Variants in HDAC4 observed in about 807,000 individuals in gnomAD.
HDAC4 encodes histone deacetylase 4, also known as histone deacetylase A.
A neutral mutation model predicts 135.1 loss-of-function variants in HDAC4; 16 were observed. That is an observed-to-expected ratio of 0.12 (90% CI 0.08 to 0.18). The LOEUF (loss-of-function observed/expected upper bound fraction) is 0.18. Ranked by LOEUF, HDAC4 falls within the 10% of genes least tolerant of loss-of-function variation. The pLI, the probability that HDAC4 is intolerant of heterozygous loss-of-function variation, is 1.00. For missense variants in HDAC4, 1,143 were observed against 1,511.8 expected (o/e 0.76, Z 4.05); for synonymous variants, 685 against 653.4 (o/e 1.05, Z -0.74).
intron 20 of HDAC4, among the ~76,000 whole-genome samples, chr2:239,082,799 C>T (rs1351845489): frequency 1.3e-5 from 2 of 152,246 alleles, no homozygotes; most frequent in African/African-American, 4.8e-5. Context: ...ATCACAAAAC[C>T]CACAGGTCAG....
chr2:239,398,123 G>C (rs1696688669), intron 1 of HDAC4, among the ~76,000 whole-genome samples: 1 of 152,198 alleles, frequency 6.6e-6, no homozygotes, highest in African/African-American at 2.4e-5. Context: ...CCCGGCCACA[G>C]CCTGTCGCCC....
intron 3 of HDAC4, among the ~76,000 whole-genome samples, chr2:239,224,503 G>A (rs550362517): frequency 4.1e-4 from 62 of 151,862 alleles, no homozygotes; most frequent in African/African-American, 1.4e-3. Flanking sequence ...CCAGGTCTTC[G>A]GCCTGCAAAT....
intron 1 of HDAC4, among the ~76,000 whole-genome samples, chr2:239,377,374 G>T (rs1244839401): frequency 6.6e-6 from 1 of 152,206 alleles, no homozygotes; most frequent in Non-Finnish European, 1.5e-5. Context: ...GTGACTCTCT[G>T]TGTTGCCAGC....
At chr2:239,281,588 CCACACAATGTACACACCACTCTA>C (rs2050755235) in intron 2 of HDAC4, among the ~76,000 whole-genome samples, 4 of 141,456 alleles carry the variant, frequency 2.8e-5, no homozygotes, top group Middle Eastern at 4.4e-3. Flanking sequence ...ACACCACTCT[CCACACAATGTACACACCACTCTA>C]CACACAATGT....
In HDAC4 at chr2:239,107,989, C is replaced by T. The variant is rs866319087; in HGVS notation, c.2112+61G>A. Reference sequence around the variant, plus strand: ...CAACACCCTGAATCACGCGGGCCCACGAGGGTCCCCTCTAATGGTGCCCAA... The same window carrying T: ...CAACACCCTGAATCACGCGGGCCCATGAGGGTCCCCTCTAATGGTGCCCAA... On this transcript the variant is annotated intron_variant, in intron 15 of 26. Coordinates refer to ENST00000543185, the MANE Select transcript of HDAC4 (RefSeq NM_001378414.1). The T allele has an allele frequency of 3.9e-5, 62 of 1,602,088 alleles. No homozygotes were observed. The Middle Eastern group carries it at 9.0e-4, about 23-fold the overall frequency.
intron 2 of HDAC4, among the ~76,000 whole-genome samples, chr2:239,318,887 G>A (rs754735271): frequency 1.1e-4 from 16 of 152,086 alleles, no homozygotes; most frequent in Non-Finnish European, 1.8e-4. Context: ...AAGTGAAAAC[G>A]CTTACAAAAA....
intron 3 of HDAC4, among the ~76,000 whole-genome samples, chr2:239,222,409 T>C (rs946414829): frequency 2.1e-4 from 32 of 152,162 alleles, no homozygotes; most frequent in African/African-American, 6.3e-4. Flanking sequence ...TTGGAAATAT[T>C]TGCAAGCTCA....
chr2:239,060,062 C>T (rs936174416), intron 24 of HDAC4, among the ~76,000 whole-genome samples: 2 of 152,220 alleles, frequency 1.3e-5, no homozygotes, highest in Admixed American at 6.5e-5. Flanking sequence ...CTGTCCCAGT[C>T]CTCCGCCGGT....
Position 239,245,103 on chromosome 2 carries a change from G to A in HDAC4, c.23-8439C>T, listed in dbSNP as rs1374025740. 6.6e-6 allele frequency among the ~76,000 whole-genome samples: 1 copy of A among 152,182 alleles called. No homozygotes were observed. Among genetic ancestry groups the A allele is most frequent in the Non-Finnish European group, 1.5e-5 (1 of 68,024 alleles). On this transcript the variant is annotated intron_variant, in intron 2 of 26. Coordinates refer to ENST00000543185, the MANE Select transcript of HDAC4 (RefSeq NM_001378414.1). The surrounding 1 kb of genome is among the most constrained non-coding windows in gnomAD (Gnocchi z 4.4). ...TTTATGTGCATTTATTAGAGAAAAT[G>A]AAAATGGAAAAAGATTCTTTCCCTA...
chr2:239,071,481 T>C (rs2034195168), intron 22 of HDAC4, among the ~76,000 whole-genome samples: 1 of 152,200 alleles, frequency 6.6e-6, no homozygotes, highest in African/African-American at 2.4e-5. Flanking sequence ...GCTGAGGAAC[T>C]TTCTCAAAAC....
chr2:239,382,510 T>C (rs546087718), intron 1 of HDAC4, among the ~76,000 whole-genome samples: 2 of 152,350 alleles, frequency 1.3e-5, no homozygotes, highest in South Asian at 2.1e-4. Flanking sequence ...GATCATGTAA[T>C]GGGTAGGACC....
At chr2:239,133,323 C>T (rs2152877329) in intron 11 of HDAC4, among the ~76,000 whole-genome samples, 1 of 152,336 alleles carries the variant, frequency 6.6e-6, no homozygotes, top group Non-Finnish European at 1.5e-5. Flanking sequence ...GAGTTTTCAC[C>T]AAGTTCACTG....
intron 11 of HDAC4, among the ~76,000 whole-genome samples, chr2:239,134,042 C>T (rs1048059060): frequency 6.6e-6 from 1 of 152,120 alleles, no homozygotes; most frequent in Non-Finnish European, 1.5e-5. Context: ...GTTTCCACTC[C>T]ATCTACCTGA....
rs927043596 is a variant in HDAC4, at chr2:239,349,104, G to A, written c.22+3574C>T. On this transcript the variant is annotated intron_variant, in intron 2 of 26. Transcript: ENST00000543185. The surrounding 1 kb of genome is among the most constrained non-coding windows in gnomAD (Gnocchi z 5.7). Reference sequence around the variant, plus strand: ...CCTGCCCAGGGAGTGAGGGCGGCACGGGCACCCACACCAGGCCACACAGGA... The same window carrying A: ...CCTGCCCAGGGAGTGAGGGCGGCACAGGCACCCACACCAGGCCACACAGGA... Among the ~76,000 whole-genome samples the A allele has an allele frequency of 3.9e-5, 6 of 152,172 alleles. No individual in the cohort carries two copies. Among genetic ancestry groups the A allele is most frequent in the Non-Finnish European group, 7.3e-5 (5 of 68,032 alleles).
In HDAC4 at chr2:239,303,105, A is replaced by AG. The variant is rs1288498842; in HGVS notation, c.22+49572dup. Among the ~76,000 whole-genome samples, 3 of 152,146 alleles carry AG rather than the reference A, an allele frequency of 2.0e-5. No individual in the cohort carries two copies. The highest frequency in any genetic ancestry group is 4.4e-5 in the Non-Finnish European group (3 of 68,020). ...TGAACAGAAGCCCAGCTCAGGGTTC[A>AG]GGGTGGGCCCCTGGATTCAAAGTGG... On this transcript the variant is annotated intron_variant, in intron 2 of 26. Transcript: ENST00000543185. The surrounding 1 kb of genome is among the most constrained non-coding windows in gnomAD (Gnocchi z 5.1).
At chr2:239,297,698 T>C (rs2051995721) in intron 2 of HDAC4, among the ~76,000 whole-genome samples, 1 of 152,188 alleles carries the variant, frequency 6.6e-6, no homozygotes. Flanking sequence ...TGCACCACGC[T>C]GTCACCATGA....
intron 5 of HDAC4, among the ~76,000 whole-genome samples, chr2:239,171,965 C>A (rs1387196986): frequency 2.6e-5 from 4 of 151,934 alleles, no homozygotes; most frequent in South Asian, 4.2e-4. Flanking sequence ...CACCATTAGA[C>A]CCACATTAAG....
chr2:239,255,087 C>G (rs1056017734), intron 2 of HDAC4, among the ~76,000 whole-genome samples: 2 of 152,204 alleles, frequency 1.3e-5, no homozygotes, highest in Non-Finnish European at 2.9e-5. Context: ...AACTTGAGTA[C>G]TTACCATTCA....
chr2:239,108,327 C>T (rs910174393), intron 14 of HDAC4, 144 bp from the exon 15 acceptor site: 32 of 1,093,358 alleles, frequency 2.9e-5, no homozygotes, highest in Non-Finnish European at 3.5e-5. Flanking sequence ...AAAAATACCA[C>T]GTTTGCCAAG....
Sources: gnomAD v4.1 joint callset for allele counts (sites outside exome capture counted in the v4.1 genomes callset) on GRCh38, gnomAD v4.1.1 for gene constraint, Gnocchi (gnomAD v3.1) non-coding constraint, MANE v1.5 for transcripts, NCBI Gene and HGNC (gene_info 2026-07-23, HGNC 2026-07-21) for gene names.